Variants in GPHN observed in about 807,000 individuals in gnomAD.
GPHN encodes gephyrin.
GPHN carries 17 observed loss-of-function variants against 95.5 expected under a neutral mutation model. The ratio of observed to expected loss-of-function variants is 0.18; its 90% CI spans 0.12 to 0.27. GPHN has a LOEUF of 0.27. Among genes scored for constraint, GPHN ranks in the 10% least tolerant of loss-of-function variants. The pLI, the probability that GPHN is intolerant of heterozygous loss-of-function variation, is 1.00. For missense variants in GPHN, 660 were observed against 978.1 expected, an observed-to-expected ratio of 0.67 and a Z score of 4.34; for synonymous variants, 320 against 322.5, an observed-to-expected ratio of 0.99 and a Z score of 0.08.
intron 14 of GPHN, among the ~76,000 whole-genome samples, chr14:67,111,305 A>G (rs2078359100): frequency 6.6e-6 from 1 of 152,226 alleles, no homozygotes; most frequent in African/African-American, 2.4e-5. Flanking sequence ...ACTCTGCCAG[A>G]TGACAAGACA....
intron 2 of GPHN, among the ~76,000 whole-genome samples, chr14:66,728,020 G>C (rs953464377): frequency 2.0e-5 from 3 of 152,120 alleles, no homozygotes; most frequent in Admixed American, 2.0e-4. Flanking sequence ...TGCAGTCTAG[G>C]GACTTGGTGC....
At chr14:67,579,578 C>A in the GPHN span, 1 of 799,612 alleles carries the variant, frequency 1.3e-6, no homozygotes, top group African/African-American at 1.7e-5. Context: ...GGCCCTTTGC[C>A]TGTGAACACA....
intron 17 of GPHN, among the ~76,000 whole-genome samples, chr14:67,135,505 T>C (rs1480065983): frequency 6.6e-6 from 1 of 152,198 alleles, no homozygotes; most frequent in Non-Finnish European, 1.5e-5. Flanking sequence ...AAGAGATATG[T>C]TGATGTTAAT....
the GPHN span, among the ~76,000 whole-genome samples, chr14:67,237,724 A>C: frequency 6.6e-6 from 1 of 152,214 alleles, no homozygotes; most frequent in Non-Finnish European, 1.5e-5. Context: ...ATGAGGAAGA[A>C]GGGAGGGTAT....
chr14:66,633,845 G>T (rs1297019933), intron 1 of GPHN, among the ~76,000 whole-genome samples: 1 of 151,856 alleles, frequency 6.6e-6, no homozygotes, highest in Non-Finnish European at 1.5e-5. Flanking sequence ...GATGTTTAAA[G>T]ATTTAAATGT....
At chr14:67,573,247 T>C in the GPHN span, 1 of 1,423,402 alleles carries the variant, frequency 7.0e-7, no homozygotes, top group Non-Finnish European at 9.9e-7. This position sits in a 1 kb window ranked among gnomAD's most constrained non-coding sequence, Gnocchi z 4.8. Context: ...GATTTCCCCT[T>C]TCTTCATCTA....
At chr14:67,260,037 ACTATTACT>A in the GPHN span, among the ~76,000 whole-genome samples, 1 of 152,206 alleles carries the variant, frequency 6.6e-6, no homozygotes, top group Non-Finnish European at 1.5e-5. Context: ...TTAAACAGAA[ACTATTACT>A]CTTCCTCATT....
At chr14:67,684,519 C>T in the GPHN span, 2 of 151,910 alleles carry the variant, frequency 1.3e-5, no homozygotes, top group African/African-American at 2.4e-5. Flanking sequence ...TAAATGTCTT[C>T]GCTTATTTGA....
chr14:66,711,077 T>C (rs903381987), intron 2 of GPHN, among the ~76,000 whole-genome samples: 2 of 152,182 alleles, frequency 1.3e-5, no homozygotes, highest in African/African-American at 4.8e-5. Flanking sequence ...TTATTGGGGG[T>C]ACAGGTGGTG....
chr14:67,479,711 C>A, the GPHN span, among the ~76,000 whole-genome samples: 2 of 152,082 alleles, frequency 1.3e-5, no homozygotes, highest in Non-Finnish European at 2.9e-5. Flanking sequence ...GAGTGAGACT[C>A]CGTCTCAAAA....
chr14:67,408,354 T>TAAAATAAAATA, the GPHN span, among the ~76,000 whole-genome samples: 33 of 134,858 alleles, frequency 2.4e-4, no homozygotes, highest in East Asian at 3.2e-3. Flanking sequence ...TAAAATAAAA[T>TAAAATAAAATA]AAAAAAAGAA....
At chr14:66,839,103 C>T (rs759740411) in intron 4 of GPHN, among the ~76,000 whole-genome samples, 3 of 152,136 alleles carry the variant, frequency 2.0e-5, no homozygotes, top group Non-Finnish European at 4.4e-5. Context: ...ATTAATGGCA[C>T]ATAGATGAGA....
intron 9 of GPHN, among the ~76,000 whole-genome samples, chr14:66,994,332 C>T (rs1001506426): frequency 3.3e-5 from 5 of 151,996 alleles, no homozygotes; most frequent in African/African-American, 1.2e-4. Context: ...CGCCATTGCA[C>T]TCCAGCCTGG....
At chr14:67,193,359 TATA>T in the GPHN span, among the ~76,000 whole-genome samples, 5 of 133,736 alleles carry the variant, frequency 3.7e-5, no homozygotes, top group African/African-American at 1.3e-4. Flanking sequence ...TATAGAGATA[TATA>T]ATCTATCTAT....
the GPHN span, among the ~76,000 whole-genome samples, chr14:67,324,158 T>C: frequency 6.6e-6 from 1 of 152,230 alleles, no homozygotes; most frequent in Non-Finnish European, 1.5e-5. Flanking sequence ...TTGAGTGCTC[T>C]TGCTTTTCTC....
the GPHN span, among the ~76,000 whole-genome samples, chr14:67,717,350 T>G: frequency 6.6e-6 from 1 of 152,140 alleles, no homozygotes; most frequent in African/African-American, 2.4e-5. Flanking sequence ...ATGGAGTGAT[T>G]AGAGGTAAAC....
At chr14:67,631,691 C>CA in the GPHN span, among the ~76,000 whole-genome samples, 1 of 152,132 alleles carries the variant, frequency 6.6e-6, no homozygotes, top group Non-Finnish European at 1.5e-5. Context: ...CTTGGCCTTC[C>CA]AAAGTGTTGG....
At chr14:67,121,976 G>A (rs952922912) in intron 16 of GPHN, among the ~76,000 whole-genome samples, 2 of 152,148 alleles carry the variant, frequency 1.3e-5, no homozygotes, top group Non-Finnish European at 2.9e-5. Context: ...TATCTCCAGA[G>A]CATTATTATC....
the GPHN span, among the ~76,000 whole-genome samples, chr14:67,315,648 G>A: frequency 2.6e-5 from 4 of 152,140 alleles, no homozygotes; most frequent in Admixed American, 1.3e-4. Flanking sequence ...AGTCTTGGCC[G>A]TGCACAGTGG....
Sources: gnomAD v4.1 joint callset for allele counts (sites outside exome capture counted in the v4.1 genomes callset) on GRCh38, gnomAD v4.1.1 for gene constraint, Gnocchi (gnomAD v3.1) non-coding constraint, MANE v1.5 for transcripts, NCBI Gene and HGNC (gene_info 2026-07-23, HGNC 2026-07-21) for gene names.